The following SUPT3H variants were observed in gnomAD, a reference collection of about 807,000 sequenced individuals.
SUPT3H encodes SPT3 homolog, SAGA and STAGA complex component.
Under a neutral mutation model 44.3 loss-of-function variants are expected in SUPT3H, and 44 were observed. That is an observed-to-expected ratio of 0.99 (90% CI 0.78 to 1.28). The LOEUF (loss-of-function observed/expected upper bound fraction) is 1.28. Ranked by LOEUF, SUPT3H falls within the 50% of genes most tolerant of loss-of-function variation. The probability of loss-of-function intolerance (pLI) is 0.00; values close to 1 mark genes in which losing one functional copy is unlikely to be tolerated. For synonymous variants in SUPT3H, 124 were observed against 125.6 expected (o/e 0.99, Z 0.09); for missense variants, 380 against 387.1 (o/e 0.98, Z 0.15).
intron 3 of SUPT3H, among the ~76,000 whole-genome samples, chr6:45,025,976 CTCTT>C (rs779608735): frequency 6.6e-6 from 1 of 151,910 alleles, no homozygotes; most frequent in Non-Finnish European, 1.5e-5. Flanking sequence ...TCCATTGCAG[CTCTT>C]TCTTTTAGGT....
intron 6 of SUPT3H, among the ~76,000 whole-genome samples, chr6:44,994,770 A>T (rs1478744790): frequency 2.0e-5 from 3 of 152,124 alleles, no homozygotes; most frequent in Non-Finnish European, 4.4e-5. Context: ...GCCAACAAAA[A>T]CATAAAAGGG....
chr6:45,276,451 G>T (rs566055451), intron 2 of SUPT3H, among the ~76,000 whole-genome samples: 88 of 152,254 alleles, frequency 5.8e-4, no homozygotes, highest in Admixed American at 5.2e-4. Flanking sequence ...TTTAGGGTCT[G>T]TGAGATAGAT....
chr6:45,177,603 A>G (rs1185431413), intron 2 of SUPT3H, among the ~76,000 whole-genome samples: 3 of 151,940 alleles, frequency 2.0e-5, no homozygotes, highest in East Asian at 3.8e-4. Context: ...GAGCAACTCC[A>G]AGACACATAA....
At chr6:45,316,839 G>A (rs547772485) in intron 2 of SUPT3H, among the ~76,000 whole-genome samples, 3 of 152,094 alleles carry the variant, frequency 2.0e-5, no homozygotes, top group East Asian at 1.9e-4. Context: ...CAGGCACAGC[G>A]GCTCATGCCT....
At chr6:44,881,660 C>A (rs1778242687) in intron 10 of SUPT3H, among the ~76,000 whole-genome samples, 1 of 152,082 alleles carries the variant, frequency 6.6e-6, no homozygotes, top group Non-Finnish European at 1.5e-5. Flanking sequence ...TCAGCAAATG[C>A]AAGAGAACGG....
At chr6:44,917,622 C>T (rs1768018515) in intron 10 of SUPT3H, among the ~76,000 whole-genome samples, 1 of 152,282 alleles carries the variant, frequency 6.6e-6, no homozygotes, top group Middle Eastern at 3.4e-3. Flanking sequence ...GGGAGCACCA[C>T]ATAAATTTTC....
intron 6 of SUPT3H, among the ~76,000 whole-genome samples, chr6:44,989,793 T>C (rs973875239): frequency 6.6e-5 from 10 of 152,146 alleles, no homozygotes; most frequent in African/African-American, 2.2e-4. Context: ...GCCATTTTTA[T>C]GTCTTCTTTG....
chr6:45,284,892 C>A (rs1336212303), intron 2 of SUPT3H, among the ~76,000 whole-genome samples: 8 of 152,164 alleles, frequency 5.3e-5, no homozygotes, highest in African/African-American at 2.4e-5. Context: ...AGCTTATCCA[C>A]CATGATCAAG....
chr6:45,074,746 G>A (rs569835533), intron 3 of SUPT3H, among the ~76,000 whole-genome samples: 1 of 152,082 alleles, frequency 6.6e-6, no homozygotes, highest in East Asian at 1.9e-4. Flanking sequence ...CTGGTTACAT[G>A]GGAGTGCAGA....
intron 10 of SUPT3H, among the ~76,000 whole-genome samples, chr6:44,902,500 C>T (rs897611477): frequency 1.3e-5 from 2 of 152,100 alleles, no homozygotes; most frequent in Non-Finnish European, 2.9e-5. Context: ...AATATATATG[C>T]ACCCAATACA....
intron 3 of SUPT3H, among the ~76,000 whole-genome samples, chr6:45,064,910 A>C (rs1292282608): frequency 3.4e-5 from 5 of 147,614 alleles, no homozygotes; most frequent in South Asian, 2.2e-4. Flanking sequence ...ACGAGACAGA[A>C]AGTCAACAAG....
chr6:45,200,295 T>G lies in SUPT3H; in HGVS notation c.102-94289A>C, dbSNP rs116550379. Among the ~76,000 whole-genome samples, 620 of 151,536 alleles carry G rather than the reference T, an allele frequency of 4.1e-3. 6 individuals carry two copies. Among genetic ancestry groups the G allele is most frequent in the African/African-American group, 0.014 (581 of 41,504 alleles). On this transcript the variant is annotated intron_variant, in intron 2 of 10. Transcript: ENST00000371459. ...TTGTATTATCATACAAAATATTGTT[T>G]GTATAACTGCCATATATATTTTGTC... is the stretch of plus-strand genomic sequence containing the variant.
At chr6:44,964,281 A>C (rs924692071) in intron 6 of SUPT3H, among the ~76,000 whole-genome samples, 1 of 152,116 alleles carries the variant, frequency 6.6e-6, no homozygotes, top group East Asian at 1.9e-4. Flanking sequence ...TGATTATCTA[A>C]TGATTCCTAC....
chr6:44,870,904 C>T (rs1357628548), intron 10 of SUPT3H, among the ~76,000 whole-genome samples: 3 of 151,770 alleles, frequency 2.0e-5, no homozygotes, highest in Non-Finnish European at 4.4e-5. Flanking sequence ...CCTGGAAAAT[C>T]GGGTCACTCC....
At chr6:45,294,867 AT>A (rs753926169) in intron 2 of SUPT3H, among the ~76,000 whole-genome samples, 8 of 151,932 alleles carry the variant, frequency 5.3e-5, no homozygotes, top group Non-Finnish European at 1.2e-4. Context: ...ATGGAAACAC[AT>A]CCCATCCTAA....
chr6:44,948,072 C>T (rs1369401942), intron 9 of SUPT3H, among the ~76,000 whole-genome samples: 1 of 152,128 alleles, frequency 6.6e-6, no homozygotes, highest in East Asian at 1.9e-4. Context: ...TTACCCATTT[C>T]TTGTTTTTGC....
intron 2 of SUPT3H, among the ~76,000 whole-genome samples, chr6:45,144,791 AAATGAAT>A (rs1805771848): frequency 6.6e-6 from 1 of 152,114 alleles, no homozygotes; most frequent in Non-Finnish European, 1.5e-5. Flanking sequence ...TAGATTTGAT[AAATGAAT>A]TCATTTGATA....
chr6:45,130,227 C>T (rs757967290), intron 2 of SUPT3H, among the ~76,000 whole-genome samples: 13 of 152,200 alleles, frequency 8.5e-5, no homozygotes, highest in Non-Finnish European at 1.5e-4. Context: ...AACTTTCTGT[C>T]TCTATGAATT....
At chr6:45,308,133 A>C (rs2149971942) in intron 2 of SUPT3H, among the ~76,000 whole-genome samples, 1 of 152,332 alleles carries the variant, frequency 6.6e-6, no homozygotes, top group Non-Finnish European at 1.5e-5. Flanking sequence ...TCTACACCTG[A>C]TTGGTGTACC....
Sources: gnomAD v4.1 joint callset for allele counts (sites outside exome capture counted in the v4.1 genomes callset) on GRCh38, gnomAD v4.1.1 for gene constraint, MANE v1.5 for transcripts, NCBI Gene and HGNC (gene_info 2026-07-23, HGNC 2026-07-21) for gene names.